Variants in ADGRG5 observed in about 807,000 individuals in gnomAD.
ADGRG5 encodes G protein-coupled receptor 114.
Under a neutral mutation model 53.2 loss-of-function variants are expected in ADGRG5, and 37 were observed. The ratio of observed to expected loss-of-function variants is 0.70; its 90% CI spans 0.53 to 0.91. The LOEUF (loss-of-function observed/expected upper bound fraction) is 0.91, where lower values mean the gene tolerates loss of function less well. Among genes scored for constraint, ADGRG5 ranks in the 40% least tolerant of loss-of-function variants. The pLI, the probability that ADGRG5 is intolerant of heterozygous loss-of-function variation, is 0.00. For missense variants in ADGRG5, 614 were observed against 675.8 expected (o/e 0.91, Z 1.01); for synonymous variants, 277 against 290.4 (o/e 0.95, Z 0.47).
At chr16:57,541,866 G>C (rs2032497215), upstream of ADGRG5, among the ~76,000 whole-genome samples, 2 of 152,202 alleles carry the variant, frequency 1.3e-5, no homozygotes, top group African/African-American at 2.4e-5. Context: ...CAGCTGCCTG[G>C]CTCAAGGAGA....
intron 9 of ADGRG5, among the ~76,000 whole-genome samples, chr16:57,570,202 AC>A (rs1461390214): frequency 6.6e-6 from 1 of 151,782 alleles, no homozygotes; most frequent in African/African-American, 2.4e-5. Flanking sequence ...TCCTCCCTCC[AC>A]CACTGTTCCA....
Position 57,563,163 on chromosome 16 carries a change from C to T in ADGRG5, c.213C>T (p.Pro71=). 1.2e-6 allele frequency: 2 copies of T among 1,614,056 alleles called. No individual in the cohort carries two copies. The highest frequency in any genetic ancestry group is 1.7e-6 in the Non-Finnish European group (2 of 1,179,900). The change falls in exon 4 of 12, where the codon CCC becomes CCT. Residue 71 remains proline (P), a synonymous_variant. Transcript: ENST00000349457. ...GCTACAACCTGACCTTGCAGACACCCACCATCCAGTCTCTGGCCTTCAAGC... is the reference window on the plus strand; with the variant it reads ...GCTACAACCTGACCTTGCAGACACCTACCATCCAGTCTCTGGCCTTCAAGC... ...FPGYNLTLQT[P]TIQSLAFKLS...
chr16:57,562,849 G>A lies in ADGRG5; in HGVS notation c.141-242G>A, dbSNP rs184876739. Among the ~76,000 whole-genome samples the A allele has an allele frequency of 4.3e-4, 66 of 152,274 alleles. 1 individual carries two copies. The highest frequency in any genetic ancestry group is 3.7e-3 in the Admixed American group (57 of 15,308). On this transcript the variant is annotated intron_variant, in intron 3 of 11. Coordinates refer to ENST00000349457, the MANE Select transcript of ADGRG5 (RefSeq NM_001304376.3). ...CTGGGAAGCTGTGAGGGAGCAGTCAGGGAAGGCTTCCTGGAGGAGGTGACA... is the reference window on the plus strand; with the variant it reads ...CTGGGAAGCTGTGAGGGAGCAGTCAAGGAAGGCTTCCTGGAGGAGGTGACA...
chr16:57,537,782 G>A (rs938531811), upstream of ADGRG5, among the ~76,000 whole-genome samples: 1 of 152,132 alleles, frequency 6.6e-6, no homozygotes, highest in Non-Finnish European at 1.5e-5. Flanking sequence ...AAGACTGGCA[G>A]TTTCACTTGT....
At chr16:57,552,289 C>T (rs1433844220) in intron 1 of ADGRG5, among the ~76,000 whole-genome samples, 1 of 152,186 alleles carries the variant, frequency 6.6e-6, no homozygotes, top group Non-Finnish European at 1.5e-5. Context: ...GCATTGATTT[C>T]TTCTCTCTGG....
intron 4 of ADGRG5, among the ~76,000 whole-genome samples, 168 bp downstream of exon 4, chr16:57,563,415 A>AT (rs1249016730): frequency 1.3e-5 from 2 of 152,240 alleles, no homozygotes; most frequent in Non-Finnish European, 2.9e-5. Flanking sequence ...AATGGGGCTC[A>AT]TACTCGCTGT....
intron 1 of ADGRG5, among the ~76,000 whole-genome samples, chr16:57,543,782 G>A (rs1293260422): frequency 6.6e-6 from 1 of 152,146 alleles, no homozygotes; most frequent in African/African-American, 2.4e-5. Context: ...GGGTTCCCAA[G>A]CCTTGTGCTC....
chr16:57,549,184 A>G (rs1358755915), intron 1 of ADGRG5, among the ~76,000 whole-genome samples: 1 of 152,212 alleles, frequency 6.6e-6, no homozygotes, highest in African/African-American at 2.4e-5. Flanking sequence ...ATTCATAAGA[A>G]TGAGTTTCCT....
chr16:57,529,314 C>A, the ADGRG5 span: 1 of 1,099,492 alleles, frequency 9.1e-7, no homozygotes, highest in Non-Finnish European at 1.1e-6. The surrounding 1 kb of genome is among the most constrained non-coding windows in gnomAD (Gnocchi z 4.1). Flanking sequence ...GCGGAGGACG[C>A]CTCCTCGGAC....
At chr16:57,530,179 C>G in the ADGRG5 span, among the ~76,000 whole-genome samples, 3 of 152,270 alleles carry the variant, frequency 2.0e-5, no homozygotes, top group East Asian at 5.8e-4. Context: ...GCCGGAACCA[C>G]CCCTCCCTGA....
chr16:57,534,964 T>C, the ADGRG5 span, among the ~76,000 whole-genome samples: 1 of 152,214 alleles, frequency 6.6e-6, no homozygotes, highest in Non-Finnish European at 1.5e-5. Context: ...TGCCAAGGCC[T>C]GGACAGGGGC....
At chr16:57,545,945 C>T (rs2032607799) in intron 1 of ADGRG5, among the ~76,000 whole-genome samples, 1 of 152,164 alleles carries the variant, frequency 6.6e-6, no homozygotes, top group African/African-American at 2.4e-5. Context: ...CCTGGCTCAG[C>T]CTCCCGAGTA....
In ADGRG5 at chr16:57,567,417, G is replaced by A. The variant is rs2048822532; in HGVS notation, c.700-53G>A. On this transcript the variant is annotated intron_variant, in intron 7 of 11. Transcript: ENST00000349457. ...CAGGAGGTCCCTCTGACTGAGGCTG[G>A]GAGGAAGGGCGATACTATGCTTCTG... 1.9e-6 allele frequency: 3 copies of A among 1,589,102 alleles called. No homozygotes were observed. The Admixed American group carries it at 5.1e-5, about 27-fold the overall frequency.
At position 57,574,920 on chromosome 16, in the gene ADGRG5, G is replaced by C. The variant is rs951950491; in HGVS notation, c.1314G>C (p.Leu438=). The C allele has an allele frequency of 2.5e-5, 41 of 1,613,022 alleles. No individual in the cohort carries two copies. Among genetic ancestry groups the C allele is most frequent in the Non-Finnish European group, 3.5e-5 (41 of 1,179,984 alleles). Residue 438 remains leucine, a synonymous_variant, in exon 11 of 12, where the codon CTG becomes CTC. Coordinates refer to ENST00000349457, the MANE Select transcript of ADGRG5 (RefSeq NM_001304376.3). This position sits in a 1 kb window ranked among gnomAD's most constrained non-coding sequence, Gnocchi z 4.4. ...LVVLAWALWT[L]RRLRERADAP... is the part of the protein sequence containing the mutation. ...TGCTGGCCTGGGCGCTGTGGACCCT[G>C]CGCAGGCTGCGGGAGCGGGCGGATG...
Position 57,565,048 on chromosome 16 carries a change from A to C in ADGRG5, c.444A>C (p.Ser148=). The C allele has an allele frequency of 1.2e-6, 2 of 1,612,528 alleles. No individual in the cohort carries two copies. Among genetic ancestry groups the C allele is most frequent in the East Asian group, 4.5e-5 (2 of 44,850 alleles). Residue 148 remains serine (S), a synonymous_variant, in exon 6 of 12, where the codon TCA becomes TCC. Coordinates refer to ENST00000349457, the MANE Select transcript of ADGRG5 (RefSeq NM_001304376.3). The part of the protein sequence containing the change: ...NTHFFKDENN[S]SLLNNYVLGA... ...TGCCCTTCCAGGATGAAAACAACTC[A>C]TCTCTGCTGAATAACTACGTCCTGG...
intron 10 of ADGRG5, among the ~76,000 whole-genome samples, chr16:57,573,250 G>C (rs916841948): frequency 6.6e-6 from 1 of 151,872 alleles, no homozygotes; most frequent in Admixed American, 6.6e-5. Flanking sequence ...TGGACAACAC[G>C]GTGAAACCCT....
intron 9 of ADGRG5, 54 bp from the exon 10 acceptor site, chr16:57,570,364 G>C: frequency 8.3e-7 from 1 of 1,200,716 alleles, no homozygotes; most frequent in Non-Finnish European, 1.2e-6. Context: ...ACCGCCCCAG[G>C]GACCGAGGGT....
intron 1 of ADGRG5, among the ~76,000 whole-genome samples, chr16:57,560,224 C>G (rs1567618108): frequency 1.3e-5 from 2 of 152,168 alleles, no homozygotes; most frequent in East Asian, 1.9e-4. Context: ...GTAGCTTTAC[C>G]TCTCCCATGG....
chr16:57,539,959 G>A (rs759343785), upstream of ADGRG5, among the ~76,000 whole-genome samples: 1 of 152,110 alleles, frequency 6.6e-6, no homozygotes. Flanking sequence ...TTTAGCCCTC[G>A]GCGGGGCACA....
Sources: gnomAD v4.1 joint callset for allele counts (sites outside exome capture counted in the v4.1 genomes callset) on GRCh38, gnomAD v4.1.1 for gene constraint, Gnocchi (gnomAD v3.1) non-coding constraint, MANE v1.5 for transcripts, NCBI Gene and HGNC (gene_info 2026-07-23, HGNC 2026-07-21) for gene names.